NCKAP5: variants seen among roughly 807,000 people sequenced by gnomAD.
NCKAP5 encodes the protein NCK associated protein 5.
In NCKAP5, 92 loss-of-function variants were observed where a neutral mutation model predicts 167.0. The ratio of observed to expected loss-of-function variants is 0.55; its 90% CI spans 0.47 to 0.66. NCKAP5 has a LOEUF of 0.66. Ranked by LOEUF, NCKAP5 falls within the 30% of genes least tolerant of loss-of-function variation. NCKAP5 has a pLI of 0.00. For synonymous variants in NCKAP5, 891 were observed against 877.4 expected (o/e 1.02, Z -0.27); for missense variants, 2,378 against 2,315.0 (o/e 1.03, Z -0.56).
chr2:132,767,173 A>C (rs1315312062), intron 16 of NCKAP5, among the ~76,000 whole-genome samples: 1 of 152,160 alleles, frequency 6.6e-6, no homozygotes, highest in Non-Finnish European at 1.5e-5. Flanking sequence ...TTTCTTCCGC[A>C]ACCCAAATTT....
intron 4 of NCKAP5, among the ~76,000 whole-genome samples, chr2:133,286,399 A>T (rs1679144597): frequency 6.6e-6 from 1 of 152,208 alleles, no homozygotes; most frequent in Non-Finnish European, 1.5e-5. Flanking sequence ...GTATAGGAGT[A>T]GTGGAGAAAA....
rs896296495 is a variant in NCKAP5 at position 133,140,910 on chromosome 2, T to C, written c.208-10799A>G. 2.6e-5 allele frequency among the ~76,000 whole-genome samples: 4 copies of C among 151,984 alleles called. No individual in the cohort carries two copies. In the South Asian group the frequency reaches 6.2e-4, roughly 24 times the overall value. ...CCCTGTCTCTTCAAAGAGCACACTT[T>C]CCTTCAGGCAGGGATTAGGCCTCAA... On this transcript the variant is annotated intron_variant, in intron 5 of 19. Coordinates refer to ENST00000409261, the MANE Select transcript of NCKAP5 (RefSeq NM_207363.3).
intron 5 of NCKAP5, among the ~76,000 whole-genome samples, chr2:133,195,677 T>A (rs555282839): frequency 9.6e-4 from 146 of 152,208 alleles, no homozygotes; most frequent in Non-Finnish European, 1.8e-3. Context: ...AAATCAGAAA[T>A]TCTGAAATTG....
At chr2:133,044,467 A>T (rs1036545) in intron 6 of NCKAP5, among the ~76,000 whole-genome samples, 43,624 of 152,054 alleles carry the variant, frequency 0.29, 7,109 homozygotes, top group South Asian at 0.47. Context: ...GGGCCCATAA[A>T]CATGTAATAA....
In NCKAP5 at chr2:132,695,308, G is replaced by T. The variant is rs546954211; in HGVS notation, c.5714-22003C>A. 3.3e-5 allele frequency among the ~76,000 whole-genome samples: 5 copies of T among 152,084 alleles called. No homozygotes were observed. The East Asian group carries it at 7.7e-4, about 24-fold the overall frequency. On this transcript the variant is annotated intron_variant, in intron 19 of 19. Transcript: ENST00000409261. ...GAAAAAAAAAGTCTGTTATTTTCTC[G>T]GTAAAGAGTAAAAATCTTCAGAATA... is the stretch of plus-strand genomic sequence containing the variant.
chr2:132,732,002 T>G lies in NCKAP5; in HGVS notation c.5178A>C (p.Pro1726=). The G allele has an allele frequency of 6.2e-7, 1 of 1,613,386 alleles. No individual in the cohort carries two copies. Among genetic ancestry groups the G allele is most frequent in the Non-Finnish European group, 8.5e-7 (1 of 1,179,766 alleles). ...RTLDSGIGTF[P]LPDSGNRSTG... ...TCGAGCGATTTCCCGAGTCTGGGAG[T>G]GGAAAGGTTCCGATCCCACTGTCCA... Residue 1726 remains proline, a synonymous_variant, in exon 17 of 20, where the codon CCA becomes CCC. Coordinates refer to ENST00000409261, the MANE Select transcript of NCKAP5 (RefSeq NM_207363.3).
chr2:133,034,120 G>A (rs557903702), intron 6 of NCKAP5, among the ~76,000 whole-genome samples: 40 of 152,122 alleles, frequency 2.6e-4, no homozygotes, highest in African/African-American at 8.7e-4. Context: ...TAAAAACAGC[G>A]AGAGAAAAGA....
chr2:133,360,242 G>A (rs1039314098), intron 3 of NCKAP5, among the ~76,000 whole-genome samples: 1 of 152,156 alleles, frequency 6.6e-6, no homozygotes, highest in Non-Finnish European at 1.5e-5. Context: ...TGATGAATTC[G>A]GCAGCTTGTC....
intron 7 of NCKAP5, among the ~76,000 whole-genome samples, chr2:132,988,460 CA>C (rs57024269): frequency 0.12 from 8,415 of 70,634 alleles, 207 homozygotes; most frequent in African/African-American, 0.24. Context: ...GACTTTGCCT[CA>C]AAAAAAAAAA....
In NCKAP5 at chr2:132,785,115, G is replaced by A; in HGVS notation, c.1696C>T (p.Gln566Ter). The change falls in exon 14 of 20, where the codon CAG (glutamine) becomes TAG (stop). Residue 566 changes from glutamine to a stop codon, truncating the protein, a stop_gained. Transcript: ENST00000409261. LOFTEE classifies it high-confidence loss of function. Reference protein sequence around the residue: ...TPQVQRERGPQGQGHGRMALN... With the variant: ...TPQVQRERGP The stretch of plus-strand genomic sequence containing the variant: ...GCCATGCGGCCATGGCCTTGGCCCT[G>A]TGGGCCCCTCTCCCTCTGTACCTGA... The A allele has an allele frequency of 1.9e-6, 3 of 1,613,862 alleles. No individual in the cohort carries two copies. The highest frequency in any genetic ancestry group is 1.3e-5 in the African/African-American group (1 of 75,066).
intron 3 of NCKAP5, among the ~76,000 whole-genome samples, chr2:133,364,736 G>A (rs183693006): frequency 4.0e-5 from 6 of 151,888 alleles, no homozygotes; most frequent in Admixed American, 1.3e-4. Flanking sequence ...AGTGGAGCTC[G>A]TGAGGTCATT....
Position 132,784,111 on chromosome 2 carries a change from G to A in NCKAP5, c.2700C>T (p.Ala900=). The change falls in exon 14 of 20, where the codon GCC becomes GCT. Residue 900 remains alanine, a synonymous_variant. Coordinates refer to ENST00000409261, the MANE Select transcript of NCKAP5 (RefSeq NM_207363.3). ...SQTPGSRSRP[A]IESSDSGEPP... ...GCTCTCCACTGTCACTAGACTCAAT[G>A]GCAGGCCTTGACCGTGACCCTGGAG... 6.6e-7 allele frequency: 1 copy of A among 1,521,164 alleles called. No individual in the cohort carries two copies. Among genetic ancestry groups the A allele is most frequent in the Non-Finnish European group, 8.8e-7 (1 of 1,136,716 alleles). 94.2% of individuals were successfully genotyped at this position (1,521,164 alleles called of 1,614,324 possible). A position where few individuals can be genotyped will look rare whatever the true frequency, so the allele number is the denominator to read the frequency against.
chr2:133,612,609 T>C, the NCKAP5 span, among the ~76,000 whole-genome samples: 3 of 152,334 alleles, frequency 2.0e-5, no homozygotes, highest in East Asian at 5.8e-4. Flanking sequence ...TAAGTTCTTT[T>C]ATATGATCAA....
intron 6 of NCKAP5, among the ~76,000 whole-genome samples, chr2:133,055,490 A>C (rs367965984): frequency 1.5e-5 from 2 of 137,226 alleles, no homozygotes; most frequent in Admixed American, 1.5e-4. Context: ...ATATATATAT[A>C]GTTTATATAT....
chr2:132,731,859 G>A lies in NCKAP5; in HGVS notation c.5321C>T (p.Pro1774Leu). The A allele has an allele frequency of 6.2e-7, 1 of 1,613,942 alleles. No homozygotes were observed. Among genetic ancestry groups the A allele is most frequent in the Non-Finnish European group, 8.5e-7 (1 of 1,179,878 alleles). ...MRAQTLEREV[P>L]SSTDGQRPAD... Reference sequence around the variant, plus strand: ...AGGGCGCTGGCCGTCTGTGGAGGAAGGCACTTCACGTTCAAGGGTTTGGGC... The same window carrying A: ...AGGGCGCTGGCCGTCTGTGGAGGAAAGCACTTCACGTTCAAGGGTTTGGGC... The change falls in exon 17 of 20, where the codon CCT (proline) becomes CTT (leucine). Residue 1774 changes from proline (P) to leucine (L), a missense_variant. Around this residue, in one of 3 missense-constraint regions of NCKAP5, gnomAD observed 1,325 missense variants for 1,274.5 expected, o/e 1.04. Transcript: ENST00000409261.
chr2:133,564,403 T>C (rs1688399347), intron 1 of NCKAP5, among the ~76,000 whole-genome samples: 2 of 152,188 alleles, frequency 1.3e-5, no homozygotes, highest in South Asian at 2.1e-4. Context: ...ATTTTTTTCA[T>C]TTATTGAGAA....
chr2:133,049,107 A>C (rs2149479497), intron 6 of NCKAP5, among the ~76,000 whole-genome samples: 1 of 152,344 alleles, frequency 6.6e-6, no homozygotes, highest in East Asian at 1.9e-4. Flanking sequence ...TGATGGCAAC[A>C]GGGAAGAGCC....
the NCKAP5 span, among the ~76,000 whole-genome samples, chr2:133,595,836 A>G: frequency 5.9e-5 from 9 of 152,308 alleles, no homozygotes; most frequent in African/African-American, 2.2e-4. Flanking sequence ...CTTTATCTAT[A>G]GACACTGAAA....
intron 5 of NCKAP5, among the ~76,000 whole-genome samples, chr2:133,187,606 T>G (rs944326934): frequency 6.6e-6 from 1 of 152,032 alleles, no homozygotes; most frequent in African/African-American, 2.4e-5. Flanking sequence ...GATAATTAGA[T>G]AAATCAAAGA....
Sources: allele counts gnomAD v4.1 joint callset (sites outside exome capture counted in the v4.1 genomes callset), GRCh38; gene constraint gnomAD v4.1.1; regional missense constraint gnomAD v4.1.1; transcripts MANE v1.5; gene names NCBI Gene and HGNC (gene_info 2026-07-23, HGNC 2026-07-21).